TENM3: variants seen among roughly 807,000 people sequenced by gnomAD.
The protein encoded by TENM3 is teneurin transmembrane protein 3, also known as teneurin-3.
In TENM3, 63 loss-of-function variants were observed where a neutral mutation model predicts 255.1. The observed-to-expected ratio is 0.25, with a 90% CI of 0.20 to 0.30. The LOEUF (loss-of-function observed/expected upper bound fraction) is 0.30. TENM3 is among the 10% of genes least tolerant of loss of function. The pLI, the probability that TENM3 is intolerant of heterozygous loss-of-function variation, is 1.00. For missense variants in TENM3, 2,929 were observed against 3,461.1 expected (o/e 0.85, Z 3.86); for synonymous variants, 1,306 against 1,322.3 (o/e 0.99, Z 0.27).
At chr4:182,643,889 G>A (rs976419554) in intron 5 of TENM3, among the ~76,000 whole-genome samples, 1 of 152,210 alleles carries the variant, frequency 6.6e-6, no homozygotes, top group Non-Finnish European at 1.5e-5. Flanking sequence ...AAAATGGAAT[G>A]GCAGGCATTT....
chr4:182,122,455 T>C, the TENM3 span, among the ~76,000 whole-genome samples: 1 of 152,246 alleles, frequency 6.6e-6, no homozygotes, highest in East Asian at 1.9e-4. Context: ...GACTGCAGAA[T>C]GGATGTGGTA....
At chr4:181,724,169 A>C in the TENM3 span, among the ~76,000 whole-genome samples, 4 of 152,118 alleles carry the variant, frequency 2.6e-5, no homozygotes, top group African/African-American at 9.7e-5. Flanking sequence ...CCACAAAAGA[A>C]CTTTTCCAAC....
intron 7 of TENM3, among the ~76,000 whole-genome samples, chr4:182,674,043 G>C (rs1360612389): frequency 6.6e-6 from 1 of 152,118 alleles, no homozygotes; most frequent in Non-Finnish European, 1.5e-5. Context: ...CTTTCCCCAA[G>C]ATCAACTATT....
chr4:182,198,307 TTACACCTTAGGTTG>T (rs1329947996), intron 1 of TENM3, among the ~76,000 whole-genome samples: 1 of 152,184 alleles, frequency 6.6e-6, no homozygotes, highest in East Asian at 1.9e-4. Flanking sequence ...TATCAGCCAT[TTACACCTTAGGTTG>T]TATTACTTTA....
the TENM3 span, among the ~76,000 whole-genome samples, chr4:181,822,131 T>G: frequency 2.0e-5 from 3 of 152,206 alleles, no homozygotes; most frequent in Non-Finnish European, 4.4e-5. Context: ...AGGTCTTTGA[T>G]ATCTTAGGAG....
At chr4:181,968,071 G>A in the TENM3 span, among the ~76,000 whole-genome samples, 1 of 152,206 alleles carries the variant, frequency 6.6e-6, no homozygotes, top group Middle Eastern at 3.4e-3. Flanking sequence ...AGACTTTCTG[G>A]AGGTCCTGGT....
the TENM3 span, among the ~76,000 whole-genome samples, chr4:181,451,945 G>A: frequency 6.6e-6 from 1 of 152,216 alleles, no homozygotes; most frequent in Middle Eastern, 3.4e-3. Flanking sequence ...AAAGCAACCT[G>A]AGGGACTTGG....
intron 1 of TENM3, among the ~76,000 whole-genome samples, chr4:182,314,929 G>C (rs117013324): frequency 1.3e-5 from 2 of 152,072 alleles, no homozygotes; most frequent in Non-Finnish European, 2.9e-5. Flanking sequence ...TTTCGTGACT[G>C]TTAGTTATAA....
the TENM3 span, among the ~76,000 whole-genome samples, chr4:181,990,671 C>T: frequency 6.6e-6 from 1 of 152,012 alleles, no homozygotes; most frequent in Non-Finnish European, 1.5e-5. Context: ...AGCGGCATGC[C>T]GAGGAGGTTG....
chr4:181,952,014 T>C, the TENM3 span, among the ~76,000 whole-genome samples: 6 of 152,236 alleles, frequency 3.9e-5, no homozygotes, highest in South Asian at 4.1e-4. Context: ...TGCTGTATTA[T>C]ATTGTATGGT....
Position 182,675,869 on chromosome 4 carries a change from C to T in TENM3, c.1326+2650C>T, listed in dbSNP as rs188166234. On this transcript the variant is annotated intron_variant, in intron 7 of 27. Transcript: ENST00000511685. ...ATTAGAGAAATGAAAGGTGCAGTTTCGGGTTTTCTCATAATCCTTCTAGTA... is the reference window on the plus strand; with the variant it reads ...ATTAGAGAAATGAAAGGTGCAGTTTTGGGTTTTCTCATAATCCTTCTAGTA... Among the ~76,000 whole-genome samples the T allele has an allele frequency of 6.2e-3, 943 of 152,254 alleles. 3 individuals carry two copies. Among genetic ancestry groups the T allele is most frequent in the Non-Finnish European group, 0.012 (785 of 68,012 alleles).
the TENM3 span, among the ~76,000 whole-genome samples, chr4:181,943,682 A>C: frequency 1.1e-4 from 16 of 152,132 alleles, no homozygotes; most frequent in African/African-American, 3.9e-4. Flanking sequence ...AAATGCTGAA[A>C]ACTGTTGTTC....
the TENM3 span, among the ~76,000 whole-genome samples, chr4:181,726,970 G>C: frequency 6.6e-6 from 1 of 152,194 alleles, no homozygotes; most frequent in Non-Finnish European, 1.5e-5. Flanking sequence ...ATATTACAAA[G>C]GATGCAGATG....
the TENM3 span, among the ~76,000 whole-genome samples, chr4:182,004,299 T>C: frequency 6.6e-6 from 1 of 152,310 alleles, no homozygotes; most frequent in South Asian, 2.1e-4. Context: ...CTCCCACTTA[T>C]GAGTGAAAAC....
the TENM3 span, among the ~76,000 whole-genome samples, chr4:181,673,363 G>A: frequency 3.3e-5 from 5 of 151,952 alleles, no homozygotes; most frequent in Non-Finnish European, 5.9e-5. Context: ...CAGAATATAC[G>A]TTTTATAAAT....
At chr4:182,450,722 C>T (rs1173074195) in intron 3 of TENM3, among the ~76,000 whole-genome samples, 1 of 152,116 alleles carries the variant, frequency 6.6e-6, no homozygotes, top group African/African-American at 2.4e-5. Flanking sequence ...CTGTGAAAGA[C>T]TGAAATTAGG....
intron 3 of TENM3, among the ~76,000 whole-genome samples, chr4:182,497,617 A>G (rs1355840082): frequency 6.6e-6 from 1 of 152,160 alleles, no homozygotes; most frequent in Non-Finnish European, 1.5e-5. Context: ...GGATGAAACT[A>G]CATTTCTAAT....
At chr4:182,392,595 G>C (rs995044100) in intron 3 of TENM3, among the ~76,000 whole-genome samples, 2 of 152,154 alleles carry the variant, frequency 1.3e-5, no homozygotes, top group Non-Finnish European at 2.9e-5. Flanking sequence ...GGAGCCCTGA[G>C]TTATTGCCCA....
the TENM3 span, among the ~76,000 whole-genome samples, chr4:181,911,968 G>C: frequency 6.6e-6 from 1 of 152,136 alleles, no homozygotes; most frequent in African/African-American, 2.4e-5. Context: ...TACAAATAAG[G>C]CATCTTGCTA....
Sources: gnomAD v4.1 joint callset for allele counts (sites outside exome capture counted in the v4.1 genomes callset) on GRCh38, gnomAD v4.1.1 for gene constraint, MANE v1.5 for transcripts, NCBI Gene and HGNC (gene_info 2026-07-23, HGNC 2026-07-21) for gene names.